Variants in TOP3B observed in about 807,000 individuals in gnomAD.
TOP3B encodes DNA topoisomerase 3-beta-1.
TOP3B carries 45 observed loss-of-function variants against 93.9 expected under a neutral mutation model. The observed-to-expected ratio is 0.48, with a 90% CI of 0.38 to 0.61. The LOEUF (loss-of-function observed/expected upper bound fraction) is 0.61, where lower values mean the gene tolerates loss of function less well. Ranked by LOEUF, TOP3B falls within the 20% of genes least tolerant of loss-of-function variation. The pLI, the probability that TOP3B is intolerant of heterozygous loss-of-function variation, is 0.00. For synonymous variants in TOP3B, 357 were observed against 472.6 expected, an observed-to-expected ratio of 0.76 and a Z score of 3.17; for missense variants, 750 against 1,156.1, an observed-to-expected ratio of 0.65 and a Z score of 5.09.
intron 11 of TOP3B, 32 bp from the exon 12 acceptor site, chr22:21,962,925 C>A (rs752795440): frequency 6.2e-7 from 1 of 1,603,982 alleles, no homozygotes; most frequent in Admixed American, 1.7e-5. Flanking sequence ...CAGTTGGGAG[C>A]CAGCTGGGGG....
At chr22:21,982,394 C>T (rs572462348) in intron 1 of TOP3B, 2 of 152,320 alleles carry the variant, frequency 1.3e-5, no homozygotes, top group Non-Finnish European at 2.9e-5. Flanking sequence ...CACAGCTTCC[C>T]TGAGCCTCAG....
In TOP3B at chr22:21,974,661, C is replaced by G. The variant is rs572505639; in HGVS notation, c.71-173G>C. On this transcript the variant is annotated intron_variant, in intron 2 of 17. Coordinates refer to ENST00000357179, the MANE Select transcript of TOP3B (RefSeq NM_001282112.2). ...AGTTGGGCACTGAGAGGTGGGACGGCGCTCAGGGAAAACAGCATCTGCCAA... is the reference window on the plus strand; with the variant it reads ...AGTTGGGCACTGAGAGGTGGGACGGGGCTCAGGGAAAACAGCATCTGCCAA... 27 of 657,584 alleles carry G rather than the reference C, an allele frequency of 4.1e-5. No individual in the cohort carries two copies. The East Asian group carries it at 7.8e-4, about 19-fold the overall frequency. The allele number at this position is 657,584 out of a possible 1,614,324, so 40.7% of individuals were successfully genotyped here.
At position 21,958,710 on chromosome 22, in the gene TOP3B, C is replaced by T. The variant is rs2071035662; in HGVS notation, c.1906-17G>A. Reference sequence around the variant, plus strand: ...TGGCTTGGCCTGCGGCAATGCCAGGCAGGTGGCGTGAGGGTCACTGGGGCC... The same window carrying T: ...TGGCTTGGCCTGCGGCAATGCCAGGTAGGTGGCGTGAGGGTCACTGGGGCC... On this transcript the variant is annotated splice_polypyrimidine_tract_variant and intron_variant, in intron 16 of 17. Transcript: ENST00000357179. 1 of 1,583,776 alleles carries T rather than the reference C, an allele frequency of 6.3e-7. No individual in the cohort carries two copies.
intron 15 of TOP3B, 175 bp from the exon 16 acceptor site, chr22:21,959,407 G>C (rs112953094): frequency 1.3e-6 from 2 of 1,487,472 alleles, no homozygotes; most frequent in Non-Finnish European, 1.8e-6. Flanking sequence ...TCCTGGCCAT[G>C]TGTGGTGTTA....
rs763122699 is a variant in TOP3B, at chr22:21,970,195, G to C, written c.581+15C>G. ...AGTGAGGGTGTGCCCAGGACTCTGC[G>C]GGTGTGGCCAGCACCTGGTGAATGC... On this transcript the variant is annotated intron_variant, in intron 6 of 17. Transcript: ENST00000357179. This position sits in a 1 kb window ranked among gnomAD's most constrained non-coding sequence, Gnocchi z 4.4. 1.9e-6 allele frequency: 3 copies of C among 1,607,188 alleles called. No homozygotes were observed. Among genetic ancestry groups the C allele is most frequent in the South Asian group, 1.1e-5 (1 of 90,988 alleles).
Position 21,958,669 on chromosome 22 carries a change from A to G in TOP3B, c.1930T>C (p.Ser644Pro), listed in dbSNP as rs771138254. 6.2e-7 allele frequency: 1 copy of G among 1,605,836 alleles called. No individual in the cohort carries two copies. The highest frequency in any genetic ancestry group is 1.1e-5 in the South Asian group (1 of 90,690). Residue 644 changes from serine to proline, a missense_variant, in exon 17 of 18, where the codon TCC becomes CCC. Ser to Pro is a moderately conservative substitution (Grantham distance 74). Transcript: ENST00000357179. ...IQAKPSRLHC[S>P]HCDETYTLPQ... Reference sequence around the variant, plus strand: ...AGCGTGTAGGTCTCATCGCAGTGGGAGCAGTGCAGGCGGCTTGGCTTGGCC... The same window carrying G: ...AGCGTGTAGGTCTCATCGCAGTGGGGGCAGTGCAGGCGGCTTGGCTTGGCC...
intron 7 of TOP3B, 112 bp downstream of exon 7, chr22:21,968,507 T>C: frequency 5.0e-6 from 7 of 1,398,348 alleles, no homozygotes; most frequent in Non-Finnish European, 6.9e-6. Flanking sequence ...GGTACAGCCG[T>C]CCACACTTCT....
rs558400335 is a variant in TOP3B, at chr22:21,962,451, C to T, written c.1503G>A (p.Thr501=). 8.9e-5 allele frequency: 144 copies of T among 1,613,672 alleles called. No individual in the cohort carries two copies. The highest frequency in any genetic ancestry group is 1.3e-4 in the Admixed American group (8 of 60,024). Residue 501 remains threonine (T), a synonymous_variant, in exon 13 of 18, where the codon ACG becomes ACA. Coordinates refer to ENST00000357179, the MANE Select transcript of TOP3B (RefSeq NM_001282112.2). ...PDYLTEAELI[T]LMEKHGIGTD... is the part of the protein sequence containing the mutation. ...CACCGATGCCATGCTTCTCCATGAG[C>T]GTGATGAGCTCGGCCTCCGTCAGGT...
chr22:21,959,475 T>C, intron 15 of TOP3B, 112 bp downstream of exon 15: 1 of 1,515,028 alleles, frequency 6.6e-7, no homozygotes, highest in Non-Finnish European at 8.8e-7. Flanking sequence ...TACGGAGGCC[T>C]GAAGCCCAGA....
chr22:21,962,400 G>A lies in TOP3B; in HGVS notation c.1525+29C>T, dbSNP rs372429359. On this transcript the variant is annotated intron_variant, in intron 13 of 17. Transcript: ENST00000357179. ...AAGCCTGAGTACTGGAGACGGAGCC[G>A]GCTCTGGGGCCTGGGCAGGCGCACC... 212 of 1,612,328 alleles carry A rather than the reference G, an allele frequency of 1.3e-4. 1 individual carries two copies. The highest frequency in any genetic ancestry group is 1.6e-4 in the Non-Finnish European group (192 of 1,180,028).
chr22:21,960,405 G>C lies in TOP3B; in HGVS notation c.1570C>G (p.Arg524Gly). ...CCGCTCTCCACCGTGACATAGTTGC[G>C]CTGGCAGATGTTGTTGATATGCACA... ...IPVHINNICQ[R>G]NYVTVESGRR... The change falls in exon 14 of 18, where the codon CGC (arginine) becomes GGC (glycine). Residue 524 changes from arginine (R) to glycine (G), a missense_variant. Physicochemically the swap from Arg to Gly is moderately radical, Grantham distance 125 (BLOSUM62 -2). Around this residue, in one of 4 missense-constraint regions of TOP3B, gnomAD observed 737 missense variants for 933.7 expected, o/e 0.79. Coordinates refer to ENST00000357179, the MANE Select transcript of TOP3B (RefSeq NM_001282112.2). 1 of 1,613,668 alleles carries C rather than the reference G, an allele frequency of 6.2e-7. No individual in the cohort carries two copies. The highest frequency in any genetic ancestry group is 1.1e-5 in the South Asian group (1 of 91,070).
chr22:21,963,600 C>CACTG lies in TOP3B; in HGVS notation c.1204+319_1204+322dup, dbSNP rs1488969281. The CACTG allele has an allele frequency of 8.4e-6, 3 of 357,722 alleles. No homozygotes were observed. Among genetic ancestry groups the CACTG allele is most frequent in the African/African-American group, 6.4e-5 (3 of 47,070 alleles). The allele number at this position is 357,722 out of a possible 1,614,324, so 22.2% of individuals were successfully genotyped here. ...ATTTGCCTTCTCCTGGCACTCGGAC[C>CACTG]ACTGGTACCACCTTAGGCCAGCTGG... On this transcript the variant is annotated intron_variant, in intron 11 of 17. Transcript: ENST00000357179. The surrounding 1 kb of genome is among the most constrained non-coding windows in gnomAD (Gnocchi z 4.8).
At position 21,965,359 on chromosome 22, in the gene TOP3B, C is replaced by T. The variant is rs144126907; in HGVS notation, c.869G>A (p.Arg290Lys). 7.3e-4 allele frequency: 1,179 copies of T among 1,604,972 alleles called. 6 individuals carry two copies. Among genetic ancestry groups the T allele is most frequent in the Non-Finnish European group, 9.5e-4 (1,113 of 1,175,774 alleles). The part of the protein sequence containing the change: ...EKEAQVEATS[R>K]KEKAKQRPLA... The stretch of plus-strand genomic sequence containing the variant: ...GGGCCTCTGCTTGGCCTTTTCTTTC[C>T]TGCTTGTGGCCTCCACCTGGAAGAC... The change falls in exon 9 of 18, where the codon AGG becomes AAG. Residue 290 changes from arginine to lysine, a missense_variant. Around this residue, in one of 4 missense-constraint regions of TOP3B, gnomAD observed 737 missense variants for 933.7 expected, o/e 0.79. Coordinates refer to ENST00000357179, the MANE Select transcript of TOP3B (RefSeq NM_001282112.2).
At chr22:21,967,810 G>C (rs531833417) in intron 7 of TOP3B, 94 bp from the exon 8 acceptor site, 82 of 959,590 alleles carry the variant, frequency 8.5e-5, no homozygotes, top group Middle Eastern at 2.1e-4. Context: ...GCTGGTCCTT[G>C]TCTGGGAGCC....
chr22:21,965,764 C>T (rs567565947), intron 8 of TOP3B: 149 of 155,078 alleles, frequency 9.6e-4, no homozygotes, highest in African/African-American at 3.2e-3. Flanking sequence ...CTACTCGTGA[C>T]GCTGAGGCAG....
intron 1 of TOP3B, among the ~76,000 whole-genome samples, chr22:21,978,574 G>A (rs1057366752): frequency 6.6e-6 from 1 of 152,134 alleles, no homozygotes; most frequent in Non-Finnish European, 1.5e-5. Context: ...GCCCAGGCTG[G>A]GGGTCGGGAG....
In TOP3B at chr22:21,962,802, G is replaced by A. The variant is rs759301539; in HGVS notation, c.1296C>T (p.Ser432=). ...HDCKYLQSTI[S]FRIGPELFTC... is the part of the protein sequence containing the mutation. ...TGAAGAGCTCGGGCCCAATTCTGAA[G>A]GAGATGGTGCTCTGCAGGTACTTGC... The change falls in exon 12 of 18, where the codon TCC becomes TCT. Residue 432 remains serine (S), a synonymous_variant. Transcript: ENST00000357179. 9.9e-6 allele frequency: 16 copies of A among 1,613,742 alleles called. No individual in the cohort carries two copies. In the South Asian group the frequency reaches 1.8e-4, roughly 18 times the overall value.
In TOP3B at chr22:21,964,260, G is replaced by A. The variant is rs374267322; in HGVS notation, c.999C>T (p.Tyr333=). ...QTAERLYTQG[Y]ISYPRTETTH... ...TGGTCTCTGTCCGTGGGTAGCTGAT[G>A]TAGCCTTGCGTGTAGAGCCGCTCAG... Residue 333 remains tyrosine, a synonymous_variant, in exon 10 of 18, where the codon TAC becomes TAT. Coordinates refer to ENST00000357179, the MANE Select transcript of TOP3B (RefSeq NM_001282112.2). The A allele has an allele frequency of 2.5e-6, 4 of 1,614,032 alleles. No individual in the cohort carries two copies. The African/African-American group carries it at 4.0e-5, about 16-fold the overall frequency.
chr22:21,965,179 C>T (rs1448769326), intron 9 of TOP3B, 106 bp downstream of exon 9: 1 of 667,128 alleles, frequency 1.5e-6, no homozygotes, highest in Non-Finnish European at 2.4e-6. Flanking sequence ...GGCTCAGATC[C>T]CCTTGAAGCC....
Sources: gnomAD v4.1 joint callset for allele counts (sites outside exome capture counted in the v4.1 genomes callset) on GRCh38, gnomAD v4.1.1 for gene constraint, gnomAD v4.1.1 regional missense constraint, Gnocchi (gnomAD v3.1) non-coding constraint, MANE v1.5 for transcripts, NCBI Gene and HGNC (gene_info 2026-07-23, HGNC 2026-07-21) for gene names.